The following ZNF680 variants were observed in gnomAD, a reference collection of about 807,000 sequenced individuals.
The protein encoded by ZNF680 is hypothetical protein FLJ90430.
Under a neutral mutation model 12.1 loss-of-function variants are expected in ZNF680, and 6 were observed. That is an observed-to-expected ratio of 0.49 (90% CI 0.27 to 0.98). ZNF680 has a LOEUF of 0.98. ZNF680 is among the 50% of genes least tolerant of loss of function. The pLI, the probability that ZNF680 is intolerant of heterozygous loss-of-function variation, is 0.12. For missense variants in ZNF680, 561 were observed against 616.3 expected, an observed-to-expected ratio of 0.91 and a Z score of 0.95; for synonymous variants, 170 against 199.3, an observed-to-expected ratio of 0.85 and a Z score of 1.24.
intron 1 of ZNF680, among the ~76,000 whole-genome samples, chr7:64,558,058 T>C (rs920472692): frequency 1.3e-5 from 2 of 152,156 alleles, no homozygotes; most frequent in African/African-American, 4.8e-5. Context: ...TAGTGCAATG[T>C]AGGTGGAAGG....
At chr7:64,541,377 T>A (rs1786490086) in intron 3 of ZNF680, among the ~76,000 whole-genome samples, 2 of 152,170 alleles carry the variant, frequency 1.3e-5, no homozygotes, top group Non-Finnish European at 2.9e-5. Context: ...TTGCTTATCA[T>A]CCCACAGCAA....
chr7:64,501,536 G>T, the ZNF680 span: 59 of 763,970 alleles, frequency 7.7e-5, no homozygotes, highest in South Asian at 8.0e-4. Context: ...AACAGAGCAG[G>T]AGCTCAGTGA....
At chr7:64,499,524 G>A in the ZNF680 span, among the ~76,000 whole-genome samples, 69 of 152,334 alleles carry the variant, frequency 4.5e-4, no homozygotes, top group African/African-American at 1.5e-3. Flanking sequence ...TTGGGAGGCC[G>A]AAGCGGGCAG....
chr7:64,548,435 T>G (rs1387347356), intron 1 of ZNF680, among the ~76,000 whole-genome samples: 1 of 152,226 alleles, frequency 6.6e-6, no homozygotes, highest in Non-Finnish European at 1.5e-5. Context: ...ATCCAGTTAC[T>G]AGTCTAGACT....
chr7:64,521,087 T>C lies in ZNF680; in HGVS notation c.*74A>G. On this transcript the variant is annotated 3_prime_UTR_variant, in exon 4 of 4. Transcript: ENST00000309683. ...ACCTACAAGCAAGTGTAACAATCAT[T>C]GGAAGGCTTTGTCAAATTCTTCACA... The C allele has an allele frequency of 7.0e-7, 1 of 1,427,752 alleles. No homozygotes were observed. The allele number at this position is 1,427,752 out of a possible 1,614,324, so 88.4% of individuals were successfully genotyped here.
intron 3 of ZNF680, among the ~76,000 whole-genome samples, chr7:64,526,714 G>A (rs73130731): frequency 0.23 from 34,332 of 151,940 alleles, 4,073 homozygotes; most frequent in South Asian, 0.28. Flanking sequence ...CTAAAAATAA[G>A]TCTGCATAAA....
chr7:64,559,720 G>A (rs908862399), intron 1 of ZNF680, among the ~76,000 whole-genome samples: 1 of 152,136 alleles, frequency 6.6e-6, no homozygotes, highest in Non-Finnish European at 1.5e-5. Context: ...CACCTCAAGT[G>A]ATCCACCCAC....
chr7:64,506,386 C>G, the ZNF680 span, among the ~76,000 whole-genome samples: 1 of 152,062 alleles, frequency 6.6e-6, no homozygotes, highest in African/African-American at 2.4e-5. Flanking sequence ...GACGGGGTTT[C>G]ACCGTGTTAG....
In ZNF680 at chr7:64,521,669, A is replaced by G. The variant is rs777031972; in HGVS notation, c.1085T>C (p.Phe362Ser). The G allele has an allele frequency of 1.2e-6, 2 of 1,608,724 alleles. No homozygotes were observed. The highest frequency in any genetic ancestry group is 2.7e-5 in the African/African-American group (2 of 73,802). ...CEECGKAFNQ[F>S]ANLTRHKKIH... ...TTTCTTATGTCTAGTAAGGTTTGCA[A>G]ACTGGTTAAAAGCTTTGCCACATTC... Residue 362 changes from phenylalanine to serine, a missense_variant, in exon 4 of 4, where the codon TTT becomes TCT. Transcript: ENST00000309683.
chr7:64,512,324 G>A, the ZNF680 span, among the ~76,000 whole-genome samples: 4 of 151,234 alleles, frequency 2.6e-5, no homozygotes, highest in African/African-American at 9.7e-5. Context: ...TTGGTGGCGT[G>A]CGCCTGTAGT....
chr7:64,558,408 T>C (rs1787538334), intron 1 of ZNF680, among the ~76,000 whole-genome samples: 2 of 152,104 alleles, frequency 1.3e-5, no homozygotes, highest in African/African-American at 2.4e-5. Flanking sequence ...AGGGGGTCTG[T>C]TATCAGAGCT....
rs750442074 is a variant in ZNF680, at chr7:64,521,135, T to C, written c.*26A>G. The stretch of plus-strand genomic sequence containing the variant: ...ACATTTTTAGGGTTTCTCAACAGGA[T>C]GGTGTCTTTTATGTTTAGAAAAGTT... On this transcript the variant is annotated 3_prime_UTR_variant, in exon 4 of 4. Transcript: ENST00000309683. The C allele has an allele frequency of 5.1e-6, 8 of 1,570,716 alleles. No individual in the cohort carries two copies. The highest frequency in any genetic ancestry group is 2.7e-5 in the African/African-American group (2 of 73,032).
chr7:64,557,824 CAA>C (rs1787507616), intron 1 of ZNF680, among the ~76,000 whole-genome samples: 2 of 152,004 alleles, frequency 1.3e-5, no homozygotes, highest in Admixed American at 6.6e-5. Context: ...AGGCGGAGGA[CAA>C]AGAGAGGAAA....
chr7:64,556,881 TA>T (rs1319200012), intron 1 of ZNF680, among the ~76,000 whole-genome samples: 1 of 152,100 alleles, frequency 6.6e-6, no homozygotes, highest in Admixed American at 6.5e-5. Flanking sequence ...ACCTACACAA[TA>T]AAAAGAAAAT....
the ZNF680 span, among the ~76,000 whole-genome samples, chr7:64,512,776 G>A: frequency 6.6e-6 from 1 of 151,004 alleles, no homozygotes; most frequent in Non-Finnish European, 1.5e-5. Flanking sequence ...TTTTTTTTCT[G>A]TGTGGTTATA....
chr7:64,521,327 G>GT lies in ZNF680; in HGVS notation c.1426dup (p.Thr476AsnfsTer4). The GT allele has an allele frequency of 6.2e-7, 1 of 1,611,318 alleles. No individual in the cohort carries two copies. Among genetic ancestry groups the GT allele is most frequent in the Non-Finnish European group, 8.5e-7 (1 of 1,178,954 alleles). On this transcript the variant is annotated frameshift_variant, in exon 4 of 4. Transcript: ENST00000309683. LOFTEE classifies it low-confidence loss of function (END_TRUNC). Reference sequence around the variant, plus strand: ...ATGAATTCTCTTATGATTAGCAAGAGTTGCAGGCCAGTTAAAAACATTGCC... The same window carrying GT: ...ATGAATTCTCTTATGATTAGCAAGAGTTTGCAGGCCAGTTAAAAACATTGCC...
chr7:64,506,556 T>C, the ZNF680 span, among the ~76,000 whole-genome samples: 1 of 152,210 alleles, frequency 6.6e-6, no homozygotes, highest in African/African-American at 2.4e-5. Context: ...TTAATTACTT[T>C]CCAATTTTAT....
chr7:64,527,179 A>T (rs112593464), intron 3 of ZNF680, among the ~76,000 whole-genome samples: 3,889 of 152,230 alleles, frequency 0.026, 101 homozygotes, highest in African/African-American at 0.055. Flanking sequence ...CGGAGGCTGC[A>T]GTGAGCCGAG....
intron 3 of ZNF680, among the ~76,000 whole-genome samples, chr7:64,527,266 CA>C (rs1238501714): frequency 2.6e-5 from 4 of 151,824 alleles, no homozygotes; most frequent in Non-Finnish European, 4.4e-5. Flanking sequence ...AATAAACAAA[CA>C]AAAATAAGCA....
Sources: allele counts gnomAD v4.1 joint callset (sites outside exome capture counted in the v4.1 genomes callset), GRCh38; gene constraint gnomAD v4.1.1; transcripts MANE v1.5; gene names NCBI Gene and HGNC (gene_info 2026-07-23, HGNC 2026-07-21).